The following DERA variants were observed in gnomAD, a reference collection of about 807,000 sequenced individuals.
DERA encodes 2-deoxy-D-ribose 5-phosphate aldolase.
Under a neutral mutation model 41.1 loss-of-function variants are expected in DERA, and 15 were observed. That is an observed-to-expected ratio of 0.37 (90% CI 0.24 to 0.56). The LOEUF is 0.56. Ranked by LOEUF, DERA falls within the 20% of genes least tolerant of loss-of-function variation. The pLI, the probability that DERA is intolerant of heterozygous loss-of-function variation, is 0.81. For synonymous variants in DERA, 139 were observed against 137.4 expected, an observed-to-expected ratio of 1.01 and a Z score of -0.08; for missense variants, 396 against 403.4, an observed-to-expected ratio of 0.98 and a Z score of 0.16.
chr12:15,982,205 T>C lies in DERA; in HGVS notation c.509-103T>C. On this transcript the variant is annotated intron_variant, in intron 5 of 8. Coordinates refer to ENST00000428559, the MANE Select transcript of DERA (RefSeq NM_015954.4). The surrounding 1 kb of genome is among the most constrained non-coding windows in gnomAD (Gnocchi z 4.0). ...GATTTTTAGAAAGTGACAAATGTTT[T>C]ATGTTTCCTAAATGTGAAATGGGTT... The C allele has an allele frequency of 1.7e-6, 2 of 1,170,438 alleles. No individual in the cohort carries two copies. The highest frequency in any genetic ancestry group is 2.4e-6 in the Non-Finnish European group (2 of 840,888). The allele number at this position is 1,170,438 out of a possible 1,614,324, so 72.5% of individuals were successfully genotyped here.
At chr12:15,934,731 C>A (rs974496817) in intron 1 of DERA, among the ~76,000 whole-genome samples, 12 of 152,190 alleles carry the variant, frequency 7.9e-5, no homozygotes, top group African/African-American at 2.9e-4. Flanking sequence ...ATTTCTCAAA[C>A]AACTTTTGAT....
At chr12:15,953,674 C>G (rs1592016386) in intron 1 of DERA, among the ~76,000 whole-genome samples, 1 of 152,224 alleles carries the variant, frequency 6.6e-6, no homozygotes, top group Middle Eastern at 3.4e-3. Context: ...TAAGAAGATT[C>G]TTTGGTCCTG....
At chr12:15,919,739 A>G (rs528976785) in intron 1 of DERA, among the ~76,000 whole-genome samples, 6 of 152,322 alleles carry the variant, frequency 3.9e-5, no homozygotes, top group Non-Finnish European at 5.9e-5. Flanking sequence ...GGCTCTCTGT[A>G]TAGTCAGGCC....
rs1019611833 is a variant in DERA at position 15,989,988 on chromosome 12, A to C, written c.637+7552A>C. Among the ~76,000 whole-genome samples, 6 of 152,352 alleles carry C rather than the reference A, an allele frequency of 3.9e-5. No homozygotes were observed. Among genetic ancestry groups the C allele is most frequent in the Non-Finnish European group, 8.8e-5 (6 of 68,030 alleles). Reference sequence around the variant, plus strand: ...TGTCTTGCATATTTTGTGACCTTGAACAAATAAATTAATCTGGTTATCAAT... The same window carrying C: ...TGTCTTGCATATTTTGTGACCTTGACCAAATAAATTAATCTGGTTATCAAT... On this transcript the variant is annotated intron_variant, in intron 6 of 8. Coordinates refer to ENST00000428559, the MANE Select transcript of DERA (RefSeq NM_015954.4). The surrounding 1 kb of genome is among the most constrained non-coding windows in gnomAD (Gnocchi z 5.2).
chr12:15,919,481 A>G (rs1438387211), intron 1 of DERA, among the ~76,000 whole-genome samples: 1 of 152,162 alleles, frequency 6.6e-6, no homozygotes, highest in Non-Finnish European at 1.5e-5. Context: ...TCACTTGAGG[A>G]TTGGGTCACC....
intron 1 of DERA, among the ~76,000 whole-genome samples, chr12:15,926,591 C>A (rs1243792684): frequency 6.6e-6 from 1 of 151,934 alleles, no homozygotes; most frequent in African/African-American, 2.4e-5. Flanking sequence ...AAAAAATTAG[C>A]CGGGCGTGGT....
rs1258123919 is a variant in DERA at position 15,985,103 on chromosome 12, C to T, written c.637+2667C>T. On this transcript the variant is annotated intron_variant, in intron 6 of 8. Transcript: ENST00000428559. This position sits in a 1 kb window ranked among gnomAD's most constrained non-coding sequence, Gnocchi z 4.2. ...CTCCCTTCAAGACACAGATCATTTC[C>T]ATCCTCCTAGAAATATCTTTGTGTC... is the stretch of plus-strand genomic sequence containing the variant. 6.6e-6 allele frequency: 1 copy of T among 152,214 alleles called. No individual in the cohort carries two copies. Among genetic ancestry groups the T allele is most frequent in the Non-Finnish European group, 1.5e-5 (1 of 68,044 alleles). 9.4% of individuals were successfully genotyped at this position (152,214 alleles called of 1,614,324 possible). A position where few individuals can be genotyped will look rare whatever the true frequency, so the allele number is the denominator to read the frequency against.
Position 15,982,717 on chromosome 12 carries a change from CT to C in DERA, c.637+284del, listed in dbSNP as rs1301644050. On this transcript the variant is annotated intron_variant, in intron 6 of 8. Coordinates refer to ENST00000428559, the MANE Select transcript of DERA (RefSeq NM_015954.4). This position sits in a 1 kb window ranked among gnomAD's most constrained non-coding sequence, Gnocchi z 4.0. ...TTAGTGAATTGCCTTCTGTTTTATT[CT>C]TTGATTATTCACTCATCAACATATG... Among the ~76,000 whole-genome samples the C allele has an allele frequency of 6.6e-6, 1 of 152,012 alleles. No homozygotes were observed. The highest frequency in any genetic ancestry group is 1.5e-5 in the Non-Finnish European group (1 of 67,978).
chr12:15,997,316 TA>T lies in DERA; in HGVS notation c.637+14888del, dbSNP rs545479698. ...GGTGAATATTTCTTTATTTGCTGTT[TA>T]AAAAAAATATTTGCAGGCTTCTAGG... On this transcript the variant is annotated intron_variant, in intron 6 of 8. Coordinates refer to ENST00000428559, the MANE Select transcript of DERA (RefSeq NM_015954.4). 4.6e-3 allele frequency among the ~76,000 whole-genome samples: 703 copies of T among 152,126 alleles called. 2 individuals are homozygous for T. The highest frequency in any genetic ancestry group is 0.016 in the African/African-American group (656 of 41,524).
chr12:15,934,261 G>C (rs892405746), intron 1 of DERA, among the ~76,000 whole-genome samples: 6 of 152,062 alleles, frequency 3.9e-5, no homozygotes, highest in African/African-American at 1.2e-4. Flanking sequence ...GACAGCCTGC[G>C]GGTTTGGATG....
chr12:15,981,631 C>T lies in DERA; in HGVS notation c.509-677C>T, dbSNP rs1301577157. On this transcript the variant is annotated intron_variant, in intron 5 of 8. Coordinates refer to ENST00000428559, the MANE Select transcript of DERA (RefSeq NM_015954.4). This position sits in a 1 kb window ranked among gnomAD's most constrained non-coding sequence, Gnocchi z 6.1. ...ATATGAAATATGAAATAAATCTGGGCCCAATGTGGAACCCTCCAAAGCCAG... is the reference window on the plus strand; with the variant it reads ...ATATGAAATATGAAATAAATCTGGGTCCAATGTGGAACCCTCCAAAGCCAG... Among the ~76,000 whole-genome samples, 1 of 152,078 alleles carries T rather than the reference C, an allele frequency of 6.6e-6. No individual in the cohort carries two copies. The highest frequency in any genetic ancestry group is 6.6e-5 in the Admixed American group (1 of 15,264).
At position 16,036,196 on chromosome 12, in the gene DERA, A is replaced by C; in HGVS notation, c.751-36A>C. On this transcript the variant is annotated intron_variant, in intron 7 of 8. Coordinates refer to ENST00000428559, the MANE Select transcript of DERA (RefSeq NM_015954.4). The surrounding 1 kb of genome is among the most constrained non-coding windows in gnomAD (Gnocchi z 4.9). Reference sequence around the variant, plus strand: ...CTATTTTTAAAAGAAATCCAATAACAATAAAGATTGTTCTATTCTCTGCCT... The same window carrying C: ...CTATTTTTAAAAGAAATCCAATAACCATAAAGATTGTTCTATTCTCTGCCT... The C allele has an allele frequency of 1.3e-6, 2 of 1,518,562 alleles. No homozygotes were observed. Among genetic ancestry groups the C allele is most frequent in the Non-Finnish European group, 1.8e-6 (2 of 1,131,468 alleles). The allele number at this position is 1,518,562 out of a possible 1,614,324, so 94.1% of individuals were successfully genotyped here. A position where few individuals can be genotyped will look rare whatever the true frequency, so the allele number is the denominator to read the frequency against.
rs937683854 is a variant in DERA at position 15,994,889 on chromosome 12, G to T, written c.637+12453G>T. On this transcript the variant is annotated intron_variant, in intron 6 of 8. Coordinates refer to ENST00000428559, the MANE Select transcript of DERA (RefSeq NM_015954.4). The surrounding 1 kb of genome is among the most constrained non-coding windows in gnomAD (Gnocchi z 4.8). Reference sequence around the variant, plus strand: ...AGTAATAAATCATGTGAAGTTGGTAGTTTATAAATTCTTTCTGCAGTAATC... The same window carrying T: ...AGTAATAAATCATGTGAAGTTGGTATTTTATAAATTCTTTCTGCAGTAATC... Among the ~76,000 whole-genome samples the T allele has an allele frequency of 4.6e-5, 7 of 152,196 alleles. No individual in the cohort carries two copies. Among genetic ancestry groups the T allele is most frequent in the Non-Finnish European group, 1.0e-4 (7 of 68,038 alleles).
In DERA at chr12:15,999,288, G is replaced by C. The variant is rs184790651; in HGVS notation, c.637+16852G>C. ...TATTCTAGGCATTGGAGGAGGATTA[G>C]AAGAGAGAATGGAGAGAGTAAAGTA... On this transcript the variant is annotated intron_variant, in intron 6 of 8. Coordinates refer to ENST00000428559, the MANE Select transcript of DERA (RefSeq NM_015954.4). The surrounding 1 kb of genome is among the most constrained non-coding windows in gnomAD (Gnocchi z 5.3). 5.3e-5 allele frequency among the ~76,000 whole-genome samples: 8 copies of C among 152,350 alleles called. No individual in the cohort carries two copies. The East Asian group carries it at 1.4e-3, about 26-fold the overall frequency.
intron 1 of DERA, among the ~76,000 whole-genome samples, chr12:15,939,673 A>G (rs1412727357): frequency 6.6e-6 from 1 of 152,070 alleles, no homozygotes; most frequent in Non-Finnish European, 1.5e-5. Flanking sequence ...AAAAGCCAAC[A>G]TTTAAAGGCC....
chr12:15,990,662 G>A lies in DERA; in HGVS notation c.637+8226G>A, dbSNP rs562505858. On this transcript the variant is annotated intron_variant, in intron 6 of 8. Coordinates refer to ENST00000428559, the MANE Select transcript of DERA (RefSeq NM_015954.4). This position sits in a 1 kb window ranked among gnomAD's most constrained non-coding sequence, Gnocchi z 4.3. Reference sequence around the variant, plus strand: ...ATTCTCCTTGATGTGTCTATGTGTTGTCATCATTTAGCTCCCACTTATAAG... The same window carrying A: ...ATTCTCCTTGATGTGTCTATGTGTTATCATCATTTAGCTCCCACTTATAAG... Among the ~76,000 whole-genome samples the A allele has an allele frequency of 1.3e-5, 2 of 152,118 alleles. No individual in the cohort carries two copies. The highest frequency in any genetic ancestry group is 3.9e-4 in the East Asian group (2 of 5,166).
At chr12:16,018,456 A>G (rs984091213) in intron 6 of DERA, among the ~76,000 whole-genome samples, 2 of 152,178 alleles carry the variant, frequency 1.3e-5, no homozygotes, top group Non-Finnish European at 2.9e-5. Context: ...GAAAATGTTC[A>G]TCTTGTTCTA....
In DERA at chr12:15,970,922, T is replaced by A. The variant is rs1948655130; in HGVS notation, c.508+7975T>A. Reference sequence around the variant, plus strand: ...AGAAGTGAAAATAGAGAATAAATGGTGTTACCATCTTTATTCAGAAAGTCA... The same window carrying A: ...AGAAGTGAAAATAGAGAATAAATGGAGTTACCATCTTTATTCAGAAAGTCA... On this transcript the variant is annotated intron_variant, in intron 5 of 8. Transcript: ENST00000428559. This position sits in a 1 kb window ranked among gnomAD's most constrained non-coding sequence, Gnocchi z 4.3. Among the ~76,000 whole-genome samples, 1 of 152,190 alleles carries A rather than the reference T, an allele frequency of 6.6e-6. No individual in the cohort carries two copies. Among genetic ancestry groups the A allele is most frequent in the African/African-American group, 2.4e-5 (1 of 41,424 alleles).
Position 16,010,403 on chromosome 12 carries a change from T to C in DERA, c.638-22139T>C, listed in dbSNP as rs1948939357. Among the ~76,000 whole-genome samples the C allele has an allele frequency of 6.6e-6, 1 of 152,110 alleles. No individual in the cohort carries two copies. The highest frequency in any genetic ancestry group is 2.1e-4 in the South Asian group (1 of 4,826). ...TCTGATATCCCAGTGATATAAAACA[T>C]GATCTGGCAAAATTTGATGGTGACC... On this transcript the variant is annotated intron_variant, in intron 6 of 8. Transcript: ENST00000428559. This position sits in a 1 kb window ranked among gnomAD's most constrained non-coding sequence, Gnocchi z 5.5.
Sources: allele counts gnomAD v4.1 joint callset (sites outside exome capture counted in the v4.1 genomes callset), GRCh38; gene constraint gnomAD v4.1.1; non-coding constraint Gnocchi (gnomAD v3.1); transcripts MANE v1.5; gene names NCBI Gene and HGNC (gene_info 2026-07-23, HGNC 2026-07-21).